The following SCN10A variants were observed in gnomAD, a reference collection of about 807,000 sequenced individuals.
The protein encoded by SCN10A is sodium channel protein type 10 subunit alpha.
Under a neutral mutation model 170.7 loss-of-function variants are expected in SCN10A, and 162 were observed. The observed-to-expected ratio is 0.95, with a 90% confidence interval of 0.84 to 1.08. The LOEUF (loss-of-function observed/expected upper bound fraction) is 1.08, where lower values mean the gene tolerates loss of function less well. Among genes scored for constraint, SCN10A ranks in the 50% least tolerant of loss-of-function variants. SCN10A has a pLI of 0.00. For synonymous variants in SCN10A, 985 were observed against 904.6 expected, an observed-to-expected ratio of 1.09 and a Z score of -1.59; for missense variants, 2,527 against 2,436.9, an observed-to-expected ratio of 1.04 and a Z score of -0.78.
intron 1 of SCN10A, among the ~76,000 whole-genome samples, chr3:38,796,248 T>A (rs2064341214): frequency 6.6e-6 from 1 of 152,164 alleles, no homozygotes. Flanking sequence ...ACAACCTGGG[T>A]ACCATAATTA....
chr3:38,714,008 G>A lies in SCN10A; in HGVS notation c.3754C>T (p.Leu1252Phe), dbSNP rs1455379558. 6.2e-7 allele frequency: 1 copy of A among 1,614,148 alleles called. No homozygotes were observed. The highest frequency in any genetic ancestry group is 8.5e-7 in the Non-Finnish European group (1 of 1,180,046). ...EVAPIKALRT[L>F]RALRPLRALS... is the part of the protein sequence containing the mutation. Reference sequence around the variant, plus strand: ...GCCCGCAGTGGCCGCAGAGCGCGAAGGGTTCGAAGGGCTTTGATGGGAGCC... The same window carrying A: ...GCCCGCAGTGGCCGCAGAGCGCGAAAGGTTCGAAGGGCTTTGATGGGAGCC... The change falls in exon 22 of 28, where the codon CTT becomes TTT. Residue 1252 changes from leucine (L) to phenylalanine (F), a missense_variant. Physicochemically the swap from Leu to Phe is conservative, Grantham distance 22. Coordinates refer to ENST00000449082, the MANE Select transcript of SCN10A (RefSeq NM_006514.4).
At chr3:38,731,730 C>T (rs188175436) in intron 15 of SCN10A, among the ~76,000 whole-genome samples, 1 of 151,894 alleles carries the variant, frequency 6.6e-6, no homozygotes, top group East Asian at 1.9e-4. Context: ...ATACTAACTC[C>T]CCCCAGATTT....
At chr3:38,774,068 CTT>C (rs1043118135) in intron 4 of SCN10A, among the ~76,000 whole-genome samples, 3 of 151,888 alleles carry the variant, frequency 2.0e-5, no homozygotes, top group African/African-American at 7.3e-5. Context: ...ACATATATGT[CTT>C]AAATAAAAGT....
At chr3:38,735,078 G>A (rs555523932) in intron 15 of SCN10A, among the ~76,000 whole-genome samples, 24 of 151,174 alleles carry the variant, frequency 1.6e-4, no homozygotes, top group African/African-American at 3.4e-4. Flanking sequence ...GCTGAGGCAG[G>A]AGAATGGCGT....
At position 38,728,618 on chromosome 3, in the gene SCN10A, C is replaced by A. The variant is rs1441503452; in HGVS notation, c.2564G>T (p.Trp855Leu). Residue 855 changes from tryptophan (W) to leucine (L), a missense_variant, in exon 16 of 28, where the codon TGG becomes TTG. Transcript: ENST00000449082. ...ILCGEWIENM[W>L]ACMEVGQKSI... ...TTTTTGGCCAACTTCCATGCAGGCC[C>A]ACATGTTCTCAATCCACTCTCCACA... 1 of 1,613,454 alleles carries A rather than the reference C, an allele frequency of 6.2e-7. No homozygotes were observed. The highest frequency in any genetic ancestry group is 8.5e-7 in the Non-Finnish European group (1 of 1,179,552).
intron 1 of SCN10A, among the ~76,000 whole-genome samples, chr3:38,801,560 G>A (rs973083987): frequency 5.9e-5 from 9 of 152,146 alleles, no homozygotes; most frequent in Non-Finnish European, 1.2e-4. Flanking sequence ...CACCATTGGA[G>A]AGTTCTGGGA....
chr3:38,779,442 A>G (rs1348150392), intron 4 of SCN10A, among the ~76,000 whole-genome samples: 5 of 152,124 alleles, frequency 3.3e-5, no homozygotes, highest in South Asian at 2.1e-4. Context: ...ATAATGCTGT[A>G]TTATTTTTTA....
At chr3:38,706,043 G>A (rs1345979626) in intron 26 of SCN10A, among the ~76,000 whole-genome samples, 2 of 152,146 alleles carry the variant, frequency 1.3e-5, no homozygotes, top group African/African-American at 4.8e-5. Context: ...GGGTGATTTA[G>A]GAAGAAAGCT....
intron 14 of SCN10A, among the ~76,000 whole-genome samples, chr3:38,741,693 A>C (rs2063634298): frequency 6.6e-6 from 1 of 152,138 alleles, no homozygotes; most frequent in African/African-American, 2.4e-5. Context: ...GTGATGGAGG[A>C]AAATTTAAAG....
chr3:38,732,945 A>T (rs751220371), intron 15 of SCN10A, among the ~76,000 whole-genome samples: 49 of 152,346 alleles, frequency 3.2e-4, no homozygotes, highest in Non-Finnish European at 5.7e-4. Context: ...TAAGTCTTCA[A>T]ATGTTGAAGA....
In SCN10A at chr3:38,771,313, A is replaced by G. The variant is rs1379282429; in HGVS notation, c.565T>C (p.Trp189Arg). 3.1e-6 allele frequency: 5 copies of G among 1,614,024 alleles called. No homozygotes were observed. The East Asian group carries it at 1.1e-4, about 36-fold the overall frequency. ...LNEFTYLRDP[W>R]NWLDFSVITL... ...ATGACGCTAAAATCCAGCCAGTTCC[A>G]AGGATCTCTCAGGTACGTGAACTCA... The change falls in exon 5 of 28, where the codon TGG becomes CGG. Residue 189 changes from tryptophan (W) to arginine (R), a missense_variant. Coordinates refer to ENST00000449082, the MANE Select transcript of SCN10A (RefSeq NM_006514.4).
rs1364356306 is a variant in SCN10A, at chr3:38,728,872, C to T, written c.2310G>A (p.Trp770Ter). ...TCTTGATGAGTGTGTTTAAGGTGGG[C>T]CAGGATTTGGCCAGCTTGAATACGC... is the stretch of plus-strand genomic sequence containing the variant. ...LLRVFKLAKS[W>*]PTLNTLIKII... The change falls in exon 16 of 28, where the codon TGG becomes TGA. Residue 770 changes from tryptophan to a stop codon, truncating the protein, a stop_gained. Coordinates refer to ENST00000449082, the MANE Select transcript of SCN10A (RefSeq NM_006514.4). LOFTEE classifies it high-confidence loss of function. 6.2e-7 allele frequency: 1 copy of T among 1,612,220 alleles called. No individual in the cohort carries two copies. Among genetic ancestry groups the T allele is most frequent in the African/African-American group, 1.3e-5 (1 of 74,942 alleles).
At chr3:38,727,172 G>A (rs1456016792) in intron 16 of SCN10A, 120 bp from the exon 17 acceptor site, 16 of 871,138 alleles carry the variant, frequency 1.8e-5, no homozygotes, top group Admixed American at 1.7e-4. Flanking sequence ...CTGCCCACCC[G>A]GGATGCTGTC....
chr3:38,710,107 C>T (rs1459286644), intron 24 of SCN10A, among the ~76,000 whole-genome samples: 1 of 152,118 alleles, frequency 6.6e-6, no homozygotes, highest in Non-Finnish European at 1.5e-5. Context: ...CAGTGCCTGC[C>T]ACAGCAGGAA....
chr3:38,739,387 G>T (rs2063604842), intron 15 of SCN10A, 128 bp downstream of exon 15: 1 of 805,108 alleles, frequency 1.2e-6, no homozygotes, highest in South Asian at 2.4e-5. Context: ...TCGCCCAGGA[G>T]TCAGACCCTG....
intron 4 of SCN10A, among the ~76,000 whole-genome samples, chr3:38,774,099 T>A (rs188026845): frequency 1.3e-5 from 2 of 152,260 alleles, no homozygotes; most frequent in Non-Finnish European, 2.9e-5. Context: ...AGTTAAAAAG[T>A]GAATAATTTT....
intron 20 of SCN10A, among the ~76,000 whole-genome samples, chr3:38,721,081 C>A (rs1319413386): frequency 6.6e-6 from 1 of 152,172 alleles, no homozygotes; most frequent in African/African-American, 2.4e-5. Flanking sequence ...TCATTGCCAC[C>A]CTAGTTTTCC....
At chr3:38,768,032 G>C (rs2063952768) in intron 5 of SCN10A, among the ~76,000 whole-genome samples, 1 of 151,894 alleles carries the variant, frequency 6.6e-6, no homozygotes, top group African/African-American at 2.4e-5. Flanking sequence ...TTTAAGGTCT[G>C]TTTTCTCTGA....
At chr3:38,700,809 G>A (rs1382922530) in intron 27 of SCN10A, among the ~76,000 whole-genome samples, 2 of 152,116 alleles carry the variant, frequency 1.3e-5, no homozygotes, top group Non-Finnish European at 2.9e-5. Flanking sequence ...GCTACACCCC[G>A]ACATGAAAAG....
Sources: gnomAD v4.1 joint callset for allele counts (sites outside exome capture counted in the v4.1 genomes callset) on GRCh38, gnomAD v4.1.1 for gene constraint, MANE v1.5 for transcripts, NCBI Gene and HGNC (gene_info 2026-07-23, HGNC 2026-07-21) for gene names.